Variants in XIRP2 observed in about 807,000 individuals in gnomAD.
The protein encoded by XIRP2 is xin actin-binding repeat-containing protein 2.
A neutral mutation model predicts 277.0 loss-of-function variants in XIRP2; 236 were observed. The observed-to-expected ratio is 0.85, with a 90% CI of 0.77 to 0.95. The LOEUF (loss-of-function observed/expected upper bound fraction) is 0.95, where lower values mean the gene tolerates loss of function less well. Among genes scored for constraint, XIRP2 ranks in the 40% least tolerant of loss-of-function variants. The pLI is 0.00. For synonymous variants in XIRP2, 1,490 were observed against 1,416.5 expected (o/e 1.05, Z -1.17); for missense variants, 4,640 against 4,157.5 (o/e 1.12, Z -3.19).
chr2:167,045,811 G>A (rs1178065551), intron 2 of XIRP2, among the ~76,000 whole-genome samples: 1 of 152,020 alleles, frequency 6.6e-6, no homozygotes, highest in Non-Finnish European at 1.5e-5. Flanking sequence ...ATGGAAAGGT[G>A]GAAAGCAGTT....
rs1161566490 is a variant in XIRP2, at chr2:167,218,253, A to C, written c.811A>C (p.Asn271His). ...TGAGGACGAAATTACTTCTTCCCGT[A>C]ATACCTTTGCTCAATACCAATATCA... ...QFEDEITSSR[N>H]TFAQYQYQHQ... Residue 271 changes from asparagine to histidine, a missense_variant, in exon 5 of 11, where the codon AAT becomes CAT. Physicochemically the swap from Asn to His is moderately conservative, Grantham distance 68 (BLOSUM62 1). Coordinates refer to ENST00000409195, the MANE Select transcript of XIRP2 (RefSeq NM_152381.6). 3 of 1,608,460 alleles carry C rather than the reference A, an allele frequency of 1.9e-6. No homozygotes were observed. The African/African-American group carries it at 4.0e-5, about 21-fold the overall frequency.
chr2:166,956,121 A>C (rs537884147), intron 2 of XIRP2, among the ~76,000 whole-genome samples: 1 of 151,820 alleles, frequency 6.6e-6, no homozygotes, highest in Admixed American at 6.6e-5. Context: ...CATAGGGTTT[A>C]TCTCTGGGAG....
intron 2 of XIRP2, among the ~76,000 whole-genome samples, chr2:167,054,721 T>C (rs1305708540): frequency 6.6e-6 from 1 of 151,758 alleles, no homozygotes; most frequent in Non-Finnish European, 1.5e-5. Context: ...AGGGCCAGTT[T>C]CTAGTCAAGT....
At chr2:167,025,731 G>A (rs1262025367) in intron 2 of XIRP2, among the ~76,000 whole-genome samples, 1 of 152,118 alleles carries the variant, frequency 6.6e-6, no homozygotes, top group South Asian at 2.1e-4. Context: ...TCATTCAGGA[G>A]CAGGTTGTTC....
intron 1 of XIRP2, among the ~76,000 whole-genome samples, chr2:166,897,949 C>T (rs1276144593): frequency 6.6e-6 from 1 of 152,064 alleles, no homozygotes; most frequent in Non-Finnish European, 1.5e-5. Flanking sequence ...AGGTGGCATG[C>T]AGGATACTCA....
intron 2 of XIRP2, among the ~76,000 whole-genome samples, chr2:166,987,003 G>C (rs1687023585): frequency 6.6e-6 from 1 of 152,022 alleles, no homozygotes; most frequent in Non-Finnish European, 1.5e-5. Flanking sequence ...TGAATTAATA[G>C]TCTGTCTCAT....
At position 167,246,242 on chromosome 2, in the gene XIRP2, A is replaced by T; in HGVS notation, c.4850A>T (p.Asp1617Val). Residue 1617 changes from aspartate to valine, a missense_variant, in exon 9 of 11, where the codon GAC becomes GTC. By Grantham distance (152) the Asp-to-Val change is radical. Transcript: ENST00000409195. ...NIMVNLLSKRDCTEREILISE... is the reference protein window; with the variant it reads ...NIMVNLLSKRVCTEREILISE... ...ATGGTGAACCTACTTTCCAAAAGGG[A>T]CTGTACTGAAAGAGAGATTTTGATT... 6.2e-7 allele frequency: 1 copy of T among 1,613,466 alleles called. No homozygotes were observed.
chr2:167,090,883 A>G (rs537547219), intron 2 of XIRP2, among the ~76,000 whole-genome samples: 1 of 152,200 alleles, frequency 6.6e-6, no homozygotes, highest in South Asian at 2.1e-4. Flanking sequence ...ACCATCCACT[A>G]GGCCCCACCT....
Position 167,246,106 on chromosome 2 carries a change from A to C in XIRP2, c.4714A>C (p.Ile1572Leu), listed in dbSNP as rs1207953576. 5 of 1,613,638 alleles carry C rather than the reference A, an allele frequency of 3.1e-6. No homozygotes were observed. Among genetic ancestry groups the C allele is most frequent in the Non-Finnish European group, 4.2e-6 (5 of 1,179,782 alleles). The change falls in exon 9 of 11, where the codon ATT (isoleucine) becomes CTT (leucine). Residue 1572 changes from isoleucine (I) to leucine (L), a missense_variant. By Grantham distance (5) the Ile-to-Leu change is conservative. Coordinates refer to ENST00000409195, the MANE Select transcript of XIRP2 (RefSeq NM_152381.6). The part of the protein sequence containing the change: ...QKVIQAPGII[I>L]EADEIGDVRM... ...AGTTATCCAGGCTCCTGGAATCATC[A>C]TTGAAGCTGATGAAATAGGGGATGT...
At chr2:166,888,983 A>T (rs1038771861) in intron 1 of XIRP2, among the ~76,000 whole-genome samples, 1 of 152,148 alleles carries the variant, frequency 6.6e-6, no homozygotes, top group Non-Finnish European at 1.5e-5. Flanking sequence ...CCTTCGTTCC[A>T]TTGAGTCAGG....
chr2:167,225,880 G>A (rs1042856680), intron 5 of XIRP2, among the ~76,000 whole-genome samples: 5 of 152,098 alleles, frequency 3.3e-5, no homozygotes, highest in Admixed American at 3.3e-4. Flanking sequence ...AGTGGGCTTT[G>A]ATGATGAAAA....
At chr2:166,897,538 G>A (rs936906843) in intron 1 of XIRP2, among the ~76,000 whole-genome samples, 1 of 152,078 alleles carries the variant, frequency 6.6e-6, no homozygotes, top group African/African-American at 2.4e-5. Flanking sequence ...GAAGCCACAC[G>A]TAAGTTAAAC....
intron 2 of XIRP2, among the ~76,000 whole-genome samples, chr2:167,076,136 G>GA (rs938155541): frequency 6.0e-5 from 9 of 149,886 alleles, no homozygotes; most frequent in Non-Finnish European, 1.0e-4. Context: ...TACTGATTAT[G>GA]AAAAAAAAAG....
intron 2 of XIRP2, among the ~76,000 whole-genome samples, chr2:167,037,518 G>GGGTGT (rs1553481078): frequency 1.3e-4 from 17 of 126,460 alleles, no homozygotes; most frequent in African/African-American, 5.2e-4. Flanking sequence ...TCATGTGGGG[G>GGGTGT]GTGTGTGTGT....
At chr2:166,921,888 G>C (rs766344196) in intron 2 of XIRP2, among the ~76,000 whole-genome samples, 28 of 152,226 alleles carry the variant, frequency 1.8e-4, no homozygotes, top group Admixed American at 6.5e-4. Flanking sequence ...GTCAGTGCAG[G>C]GTGAGTGATC....
At chr2:167,011,506 T>G (rs980092139) in intron 2 of XIRP2, among the ~76,000 whole-genome samples, 1 of 152,034 alleles carries the variant, frequency 6.6e-6, no homozygotes, top group Non-Finnish European at 1.5e-5. Context: ...GCATCAATAT[T>G]CATCAAGGAT....
chr2:167,158,035 G>A (rs541395529), intron 3 of XIRP2, among the ~76,000 whole-genome samples: 1 of 152,258 alleles, frequency 6.6e-6, no homozygotes, highest in East Asian at 1.9e-4. Flanking sequence ...CAGTGTTCTA[G>A]TTGTGCCGTA....
At position 167,031,376 on chromosome 2, in the gene XIRP2, T is replaced by G. The variant is rs543442531; in HGVS notation, c.409-104533T>G. Among the ~76,000 whole-genome samples the G allele has an allele frequency of 2.6e-5, 4 of 152,226 alleles. No homozygotes were observed. In the East Asian group the frequency reaches 7.7e-4, roughly 29 times the overall value. On this transcript the variant is annotated intron_variant, in intron 2 of 10. Coordinates refer to ENST00000409195, the MANE Select transcript of XIRP2 (RefSeq NM_152381.6). The stretch of plus-strand genomic sequence containing the variant: ...TTAGTGCTTCCTTCAGGAGCTCTTT[T>G]AAGGCAGGCCTAGTTGTGACAAAAT...
At chr2:167,091,831 C>A (rs144958969) in intron 2 of XIRP2, among the ~76,000 whole-genome samples, 22 of 152,222 alleles carry the variant, frequency 1.4e-4, no homozygotes, top group Non-Finnish European at 2.2e-4. Flanking sequence ...GGATTGAGAT[C>A]ATTTGAAGAT....
Sources: allele counts gnomAD v4.1 joint callset (sites outside exome capture counted in the v4.1 genomes callset), GRCh38; gene constraint gnomAD v4.1.1; transcripts MANE v1.5; gene names NCBI Gene and HGNC (gene_info 2026-07-23, HGNC 2026-07-21).